SPG7: variants seen among roughly 807,000 people sequenced by gnomAD.
The protein encoded by SPG7 is mitochondrial inner membrane m-AAA protease component paraplegin.
Under a neutral mutation model 81.9 loss-of-function variants are expected in SPG7, and 103 were observed. The ratio of observed to expected loss-of-function variants is 1.26; its 90% CI spans 1.07 to 1.48. The LOEUF is 1.48. Ranked by LOEUF, SPG7 falls within the 40% of genes most tolerant of loss-of-function variation. The probability of loss-of-function intolerance (pLI) is 0.00; values close to 1 mark genes in which losing one functional copy is unlikely to be tolerated. For synonymous variants in SPG7, 534 were observed against 444.2 expected (o/e 1.20, Z -2.54); for missense variants, 1,241 against 1,087.3 (o/e 1.14, Z -1.99).
intron 5 of SPG7, 68 bp from the exon 6 acceptor site, chr16:89,529,409 G>A: frequency 9.7e-7 from 1 of 1,027,706 alleles, no homozygotes; most frequent in Non-Finnish European, 1.5e-6. Context: ...CAGTGGTTCT[G>A]ATTTGGAAGC....
At chr16:89,520,462 TCTC>T (rs1450943754) in intron 3 of SPG7, 3 of 164,010 alleles carry the variant, frequency 1.8e-5, no homozygotes, top group African/African-American at 7.2e-5. Flanking sequence ...AGTGGCGCGA[TCTC>T]AGCCCACTGC....
At chr16:89,528,286 G>T (rs1597626847) in intron 5 of SPG7, among the ~76,000 whole-genome samples, 1 of 151,990 alleles carries the variant, frequency 6.6e-6, no homozygotes, top group Admixed American at 6.6e-5. Context: ...CAGCTACTCG[G>T]GAGGCTGAGG....
At chr16:89,530,835 G>C (rs777618854) in intron 7 of SPG7, 27 bp downstream of exon 7, 4 of 1,613,466 alleles carry the variant, frequency 2.5e-6, no homozygotes, top group Non-Finnish European at 3.4e-6. Context: ...CCGGGAGGGA[G>C]GTGTGAGCAG....
At chr16:89,548,323 C>A (rs990683438) in intron 12 of SPG7, 2 of 497,278 alleles carry the variant, frequency 4.0e-6, no homozygotes, top group Non-Finnish European at 3.6e-6. Flanking sequence ...AGTAGACGCT[C>A]GTCCAACAGA....
At chr16:89,554,358 C>T (rs2058666531) in intron 15 of SPG7, 128 bp from the exon 16 acceptor site, 6 of 729,728 alleles carry the variant, frequency 8.2e-6, no homozygotes, top group Middle Eastern at 4.8e-4. Flanking sequence ...GACCACCTGT[C>T]GGCTGAGGAG....
At position 89,550,509 on chromosome 16, in the gene SPG7, G is replaced by A; in HGVS notation, c.1679G>A (p.Ser560Asn). The A allele has an allele frequency of 6.2e-7, 1 of 1,613,668 alleles. No individual in the cohort carries two copies. The highest frequency in any genetic ancestry group is 8.5e-7 in the Non-Finnish European group (1 of 1,179,860). Residue 560 changes from serine to asparagine, a missense_variant, in exon 13 of 17, where the codon AGC (serine) becomes AAC (asparagine). Coordinates refer to ENST00000645818, the MANE Select transcript of SPG7 (RefSeq NM_003119.4). ...ATTCTTTCAGGGACTGCCAAAAAGA[G>A]CAAGATCCTGTCCAAGGAAGAACAG... Reference protein sequence around the residue: ...ERVLAGTAKKSKILSKEEQKV... With the variant: ...ERVLAGTAKKNKILSKEEQKV...
chr16:89,528,078 A>G (rs2058288212), intron 5 of SPG7, among the ~76,000 whole-genome samples: 2 of 151,800 alleles, frequency 1.3e-5, no homozygotes, highest in Non-Finnish European at 2.9e-5. Context: ...GTGTCTTCGT[A>G]GGCCGATGAT....
chr16:89,518,371 G>C (rs1217882226), intron 3 of SPG7: 1 of 152,184 alleles, frequency 6.6e-6, no homozygotes, highest in East Asian at 1.9e-4. Context: ...GAATTATACG[G>C]AGTGAAAAAA....
At position 89,550,516 on chromosome 16, in the gene SPG7, C is replaced by G. The variant is rs201229581; in HGVS notation, c.1686C>G (p.Ile562Met). ...CAGGGACTGCCAAAAAGAGCAAGAT[C>G]CTGTCCAAGGAAGAACAGAAAGTGG... Reference protein sequence around the residue: ...VLAGTAKKSKILSKEEQKVVA... With the variant: ...VLAGTAKKSKMLSKEEQKVVA... The change falls in exon 13 of 17, where the codon ATC becomes ATG. Residue 562 changes from isoleucine to methionine, a missense_variant. Coordinates refer to ENST00000645818, the MANE Select transcript of SPG7 (RefSeq NM_003119.4). 2.3e-5 allele frequency: 37 copies of G among 1,613,730 alleles called. No individual in the cohort carries two copies. The East Asian group carries it at 7.1e-4, about 31-fold the overall frequency.
At chr16:89,550,238 T>A in intron 12 of SPG7, 4 of 434,018 alleles carry the variant, frequency 9.2e-6, no homozygotes, top group South Asian at 8.0e-5. Flanking sequence ...AGTGGCATGA[T>A]CTTGCCCTAC....
intron 9 of SPG7, chr16:89,537,941 G>A: frequency 4.8e-6 from 1 of 207,432 alleles, no homozygotes; most frequent in Non-Finnish European, 8.4e-6. Flanking sequence ...AGAGGGAGAA[G>A]CTGAGGCCCA....
At chr16:89,545,074 C>T (rs975528984) in intron 10 of SPG7, 1 of 440,912 alleles carries the variant, frequency 2.3e-6, no homozygotes, top group Admixed American at 3.5e-5. Flanking sequence ...TCCTTTTATC[C>T]TGGGTATCAG....
chr16:89,541,559 C>A, intron 9 of SPG7: 1 of 157,026 alleles, frequency 6.4e-6, no homozygotes, highest in Non-Finnish European at 1.4e-5. Flanking sequence ...ATCTGTGGAG[C>A]ACACACACAG....
chr16:89,553,340 C>G (rs1597664498), intron 14 of SPG7: 2 of 624,914 alleles, frequency 3.2e-6, no homozygotes, highest in African/African-American at 3.7e-5. Context: ...AAAACTTAAC[C>G]TATATGCCAA....
At chr16:89,542,087 G>A (rs2058503617) in intron 9 of SPG7, 1 of 152,304 alleles carries the variant, frequency 6.6e-6, no homozygotes, top group Non-Finnish European at 1.5e-5. Flanking sequence ...TCTGCTGAAG[G>A]CCGAGCTGTG....
At chr16:89,551,251 G>A (rs1051045608) in intron 13 of SPG7, 19 of 173,148 alleles carry the variant, frequency 1.1e-4, no homozygotes, top group Non-Finnish European at 1.6e-4. Flanking sequence ...CCAGGAAGCC[G>A]TGCAGGTTTG....
chr16:89,547,443 G>A (rs2058577471), intron 11 of SPG7: 1 of 186,784 alleles, frequency 5.4e-6, no homozygotes, highest in African/African-American at 2.4e-5. Flanking sequence ...TGGCCTCAGT[G>A]GAACACGGTG....
intron 12 of SPG7, chr16:89,548,635 T>G: frequency 3.1e-6 from 1 of 318,252 alleles, no homozygotes; most frequent in East Asian, 8.7e-5. Context: ...GGGAGATGAG[T>G]TTTGGTGACG....
chr16:89,526,193 C>G, intron 4 of SPG7, 136 bp from the exon 5 acceptor site: 1 of 1,010,728 alleles, frequency 9.9e-7, no homozygotes, highest in Non-Finnish European at 1.6e-6. Context: ...GGAATCACCT[C>G]TAGTTTCTGA....
Sources: allele counts gnomAD v4.1 joint callset (sites outside exome capture counted in the v4.1 genomes callset), GRCh38; gene constraint gnomAD v4.1.1; transcripts MANE v1.5; gene names NCBI Gene and HGNC (gene_info 2026-07-23, HGNC 2026-07-21).